DYSF: variants seen among roughly 807,000 people sequenced by gnomAD.
DYSF encodes dysferlin.
DYSF carries 212 observed loss-of-function variants against 274.9 expected under a neutral mutation model. That is an observed-to-expected ratio of 0.77 (90% CI 0.69 to 0.86). The LOEUF (loss-of-function observed/expected upper bound fraction) is 0.86, where lower values mean the gene tolerates loss of function less well. Among genes scored for constraint, DYSF ranks in the 40% least tolerant of loss-of-function variants. The pLI, the probability that DYSF is intolerant of heterozygous loss-of-function variation, is 0.00. For missense variants in DYSF, 2,666 were observed against 2,783.2 expected (o/e 0.96, Z 0.95); for synonymous variants, 1,091 against 1,078.7 (o/e 1.01, Z -0.22).
chr2:71,674,239 G>A lies in DYSF; in HGVS notation c.5827G>A (p.Ala1943Thr). The change falls in exon 52 of 56, where the codon GCA (alanine) becomes ACA (threonine). Residue 1943 changes from alanine (A) to threonine (T), a missense_variant. Around this residue, in one of 3 missense-constraint regions of DYSF, gnomAD observed 1,460 missense variants for 1,502.1 expected, o/e 0.97. Coordinates refer to ENST00000410020, the MANE Select transcript of DYSF (RefSeq NM_001130987.2). ...GGACAAGACTGAGAGCAAAATCCCA[G>A]CACGAGTGGTGTTCCAGATCTGGGA... ...RLDKTESKIP[A>T]RVVFQIWDND... 1 of 1,614,258 alleles carries A rather than the reference G, an allele frequency of 6.2e-7. No homozygotes were observed. Among genetic ancestry groups the A allele is most frequent in the Non-Finnish European group, 8.5e-7 (1 of 1,180,048 alleles).
chr2:71,631,522 G>A (rs1049687464), intron 41 of DYSF, among the ~76,000 whole-genome samples: 13 of 152,176 alleles, frequency 8.5e-5, no homozygotes, highest in Admixed American at 7.9e-4. Context: ...CGTCACTGGT[G>A]TAATCTGGAC....
At chr2:71,516,136 G>T in intron 8 of DYSF, 44 bp from the exon 9 acceptor site, 1 of 1,578,692 alleles carries the variant, frequency 6.3e-7, no homozygotes, top group Non-Finnish European at 8.7e-7. Context: ...TGGCCTGAGG[G>T]ATCAGCAGGC....
At chr2:71,519,954 C>T (rs533578694) in intron 10 of DYSF, among the ~76,000 whole-genome samples, 11 of 152,144 alleles carry the variant, frequency 7.2e-5, no homozygotes, top group Non-Finnish European at 8.8e-5. Context: ...TGAGCCACCA[C>T]GCCCAGCCTC....
At chr2:71,464,931 T>G, upstream of DYSF, among the ~76,000 whole-genome samples, 1 of 149,614 alleles carries the variant, frequency 6.7e-6, no homozygotes. Context: ...TGAAGGAGAG[T>G]GGGAGGGGGA....
At chr2:71,484,045 C>CTTTTTT (rs59780652) in intron 3 of DYSF, among the ~76,000 whole-genome samples, 25 of 67,590 alleles carry the variant, frequency 3.7e-4, no homozygotes, top group South Asian at 7.7e-4. Flanking sequence ...GGAGATTTCC[C>CTTTTTT]TTTTTTTTTT....
At chr2:71,582,920 G>A (rs963306138) in intron 30 of DYSF, among the ~76,000 whole-genome samples, 3 of 151,898 alleles carry the variant, frequency 2.0e-5, no homozygotes, top group Admixed American at 2.0e-4. Context: ...GCTCATGCCT[G>A]TAATCTCAGC....
rs1359733220 is a variant in DYSF, at chr2:71,544,022, A to C, written c.1576+4783A>C. ...CTTTTTTCCCTGTCACTCCTTTTAT[A>C]TTTTCCTTTACTTCTTTGCTCCTCG... On this transcript the variant is annotated intron_variant, in intron 17 of 55. Coordinates refer to ENST00000410020, the MANE Select transcript of DYSF (RefSeq NM_001130987.2). 2.6e-5 allele frequency among the ~76,000 whole-genome samples: 4 copies of C among 151,932 alleles called. No individual in the cohort carries two copies. In the East Asian group the frequency reaches 5.8e-4, roughly 22 times the overall value.
chr2:71,670,323 T>C (rs577445648), intron 51 of DYSF, among the ~76,000 whole-genome samples: 1 of 152,164 alleles, frequency 6.6e-6, no homozygotes, highest in South Asian at 2.1e-4. Context: ...GTGGGTAGAG[T>C]AGGGACACCC....
At chr2:71,476,587 G>A (rs892492818) in intron 1 of DYSF, among the ~76,000 whole-genome samples, 2 of 151,506 alleles carry the variant, frequency 1.3e-5, no homozygotes, top group Admixed American at 1.3e-4. Context: ...GCTTCTTGTT[G>A]TGTTTTTTAG....
intron 3 of DYSF, among the ~76,000 whole-genome samples, chr2:71,490,417 G>A (rs1409971542): frequency 6.6e-6 from 1 of 152,158 alleles, no homozygotes; most frequent in African/African-American, 2.4e-5. Context: ...TCAGCTCACT[G>A]CAACCTCCGC....
chr2:71,544,856 T>A (rs182999990), intron 17 of DYSF, among the ~76,000 whole-genome samples: 1 of 152,284 alleles, frequency 6.6e-6, no homozygotes, highest in East Asian at 1.9e-4. Flanking sequence ...CTTCATTCTT[T>A]TAGGAGATGC....
At chr2:71,475,029 G>C (rs2082300279) in intron 1 of DYSF, among the ~76,000 whole-genome samples, 1 of 152,194 alleles carries the variant, frequency 6.6e-6, no homozygotes. Flanking sequence ...GATTGCTGAG[G>C]AGCAAGGCCT....
chr2:71,495,346 G>A (rs1267331204), intron 3 of DYSF, among the ~76,000 whole-genome samples: 1 of 152,226 alleles, frequency 6.6e-6, no homozygotes, highest in Non-Finnish European at 1.5e-5. Flanking sequence ...TCAGATTGCA[G>A]GGCTAGGTTT....
rs759964991 is a variant in DYSF at position 71,513,971 on chromosome 2, G to T, written c.759+50G>T. ...CCAGGCTCCTCTTCAGCCATCAGCT[G>T]CGGGTGCCAGGCACCTGCCTGGTTT... On this transcript the variant is annotated intron_variant, in intron 7 of 55. Coordinates refer to ENST00000410020, the MANE Select transcript of DYSF (RefSeq NM_001130987.2). 8.1e-6 allele frequency: 13 copies of T among 1,608,368 alleles called. No individual in the cohort carries two copies. The East Asian group carries it at 2.7e-4, about 33-fold the overall frequency.
chr2:71,593,766 G>T (rs188690255), intron 32 of DYSF, among the ~76,000 whole-genome samples: 1 of 152,252 alleles, frequency 6.6e-6, no homozygotes, highest in Admixed American at 6.5e-5. Flanking sequence ...AGAGCTGCCC[G>T]CCCAGATGGA....
In DYSF at chr2:71,657,911, T is replaced by C. The variant is rs2094803092; in HGVS notation, c.4756-967T>C. 2.0e-5 allele frequency among the ~76,000 whole-genome samples: 3 copies of C among 152,170 alleles called. No homozygotes were observed. In the South Asian group the frequency reaches 6.2e-4, roughly 32 times the overall value. ...TGGCCTGGAGACATTTTCCCCATGGTCTTGGGGATTAACATTAGGCTCCTT... is the reference window on the plus strand; with the variant it reads ...TGGCCTGGAGACATTTTCCCCATGGCCTTGGGGATTAACATTAGGCTCCTT... On this transcript the variant is annotated intron_variant, in intron 43 of 55. Transcript: ENST00000410020.
rs749854198 is a variant in DYSF, at chr2:71,480,899, C to T, written c.108C>T (p.Thr36=). 1 of 1,614,086 alleles carries T rather than the reference C, an allele frequency of 6.2e-7. No individual in the cohort carries two copies. Among genetic ancestry groups the T allele is most frequent in the Non-Finnish European group, 8.5e-7 (1 of 1,179,968 alleles). ...CTCTTGTAGGGGTGAAGAAGAGAAC[C>T]AAAGTCATCAAGAACAGCGTGAACC... ...SLTFRGVKKR[T]KVIKNSVNPV... Residue 36 remains threonine (T), a synonymous_variant, in exon 2 of 56, where the codon ACC becomes ACT. Transcript: ENST00000410020.
chr2:71,570,779 G>C (rs773707798), intron 29 of DYSF, 38 bp downstream of exon 29: 1 of 1,611,754 alleles, frequency 6.2e-7, no homozygotes, highest in East Asian at 2.2e-5. Flanking sequence ...GAGGCCTGTG[G>C]TCACAGGTGG....
At chr2:71,465,842 A>G (rs921405470), upstream of DYSF, among the ~76,000 whole-genome samples, 3 of 152,180 alleles carry the variant, frequency 2.0e-5, no homozygotes, top group African/African-American at 7.2e-5. Flanking sequence ...GGAACCAGAC[A>G]TAATAAGCGA....
Sources: allele counts gnomAD v4.1 joint callset (sites outside exome capture counted in the v4.1 genomes callset), GRCh38; gene constraint gnomAD v4.1.1; regional missense constraint gnomAD v4.1.1; transcripts MANE v1.5; gene names NCBI Gene and HGNC (gene_info 2026-07-23, HGNC 2026-07-21).